The following TGFB2 variants were observed in gnomAD, a reference collection of about 807,000 sequenced individuals.
TGFB2 encodes transforming growth factor beta-2 proprotein.
Under a neutral mutation model 42.7 loss-of-function variants are expected in TGFB2, and 13 were observed. The ratio of observed to expected loss-of-function variants is 0.30; its 90% CI spans 0.20 to 0.48. TGFB2 has a LOEUF of 0.48. TGFB2 is among the 20% of genes least tolerant of loss of function. TGFB2 has a pLI of 0.99. For missense variants in TGFB2, 390 were observed against 517.5 expected (o/e 0.75, Z 2.39); for synonymous variants, 193 against 193.6 (o/e 1.00, Z 0.03).
intron 1 of TGFB2, among the ~76,000 whole-genome samples, chr1:218,396,122 C>G (rs963975507): frequency 6.6e-6 from 1 of 152,102 alleles, no homozygotes; most frequent in Non-Finnish European, 1.5e-5. Flanking sequence ...AGAAGGGAAG[C>G]CTGGTCAAGT....
At chr1:218,421,246 T>C (rs79285949) in intron 2 of TGFB2, among the ~76,000 whole-genome samples, 3,251 of 152,310 alleles carry the variant, frequency 0.021, 40 homozygotes, top group African/African-American at 0.039. Context: ...ATTTTTATAA[T>C]GAAATAAATA....
chr1:218,436,268 G>A (rs1659969843), intron 5 of TGFB2, 121 bp downstream of exon 5: 4 of 931,488 alleles, frequency 4.3e-6, no homozygotes, highest in Admixed American at 5.7e-5. Context: ...ATAGAGTGCA[G>A]TACAGCTCCT....
intron 1 of TGFB2, among the ~76,000 whole-genome samples, chr1:218,365,846 G>T (rs979314428): frequency 2.0e-5 from 3 of 152,174 alleles, no homozygotes; most frequent in African/African-American, 7.2e-5. Flanking sequence ...CTGTCACCTT[G>T]CGTGAACCGC....
intron 2 of TGFB2, among the ~76,000 whole-genome samples, chr1:218,429,317 A>C (rs1236100334): frequency 6.6e-6 from 1 of 152,114 alleles, no homozygotes; most frequent in Non-Finnish European, 1.5e-5. Flanking sequence ...TGCCTATTTA[A>C]AGTACCTTTT....
At chr1:218,426,374 GT>G (rs36115084) in intron 2 of TGFB2, among the ~76,000 whole-genome samples, 6 of 152,236 alleles carry the variant, frequency 3.9e-5, no homozygotes, top group South Asian at 2.1e-4. Flanking sequence ...ACTTCTACTT[GT>G]TTTTTCCCCC....
At chr1:218,421,411 T>C (rs570365091) in intron 2 of TGFB2, among the ~76,000 whole-genome samples, 2 of 152,014 alleles carry the variant, frequency 1.3e-5, no homozygotes, top group South Asian at 2.1e-4. Flanking sequence ...GACCGATTGT[T>C]CAGGGGCTTA....
chr1:218,370,214 G>A (rs1318405001), intron 1 of TGFB2, among the ~76,000 whole-genome samples: 1 of 152,192 alleles, frequency 6.6e-6, no homozygotes, highest in Non-Finnish European at 1.5e-5. Context: ...GGTGAAGGAA[G>A]CCTTACTGGG....
At chr1:218,435,291 C>T (rs772835182) in intron 4 of TGFB2, among the ~76,000 whole-genome samples, 19 of 152,164 alleles carry the variant, frequency 1.2e-4, no homozygotes, top group Non-Finnish European at 2.6e-4. Context: ...CAGTCTCTAA[C>T]CTAGTCATGA....
At chr1:218,367,349 A>G (rs1657419190) in intron 1 of TGFB2, among the ~76,000 whole-genome samples, 1 of 152,186 alleles carries the variant, frequency 6.6e-6, no homozygotes, top group African/African-American at 2.4e-5. Flanking sequence ...GCTTTGGGTA[A>G]CTGCAGGTTT....
chr1:218,435,049 A>G (rs1011459597), intron 4 of TGFB2, among the ~76,000 whole-genome samples: 24 of 152,206 alleles, frequency 1.6e-4, no homozygotes, highest in African/African-American at 5.5e-4. Context: ...ATGGAGAGTG[A>G]GGCGATACCA....
intron 1 of TGFB2, among the ~76,000 whole-genome samples, chr1:218,354,765 A>G (rs1457675602): frequency 6.6e-6 from 1 of 152,196 alleles, no homozygotes; most frequent in Non-Finnish European, 1.5e-5. Flanking sequence ...GTTAACAAGA[A>G]TTACATTCAC....
chr1:218,394,698 G>A (rs1031952368), intron 1 of TGFB2, among the ~76,000 whole-genome samples: 1 of 152,016 alleles, frequency 6.6e-6, no homozygotes, highest in South Asian at 2.1e-4. Flanking sequence ...TGGGATGGCC[G>A]GAGAGAAAAT....
At chr1:218,361,151 C>T (rs932383064) in intron 1 of TGFB2, among the ~76,000 whole-genome samples, 1 of 152,228 alleles carries the variant, frequency 6.6e-6, no homozygotes, top group Non-Finnish European at 1.5e-5. Context: ...CCGCGCCCGG[C>T]CTGAAAACTG....
chr1:218,394,102 G>T (rs1451631387), intron 1 of TGFB2, among the ~76,000 whole-genome samples: 1 of 152,042 alleles, frequency 6.6e-6, no homozygotes, highest in African/African-American at 2.4e-5. Context: ...GTAGAGACGG[G>T]GTTTCACTGC....
intron 1 of TGFB2, among the ~76,000 whole-genome samples, chr1:218,375,406 A>G (rs1213307663): frequency 8.3e-6 from 1 of 121,046 alleles, no homozygotes; most frequent in Non-Finnish European, 1.7e-5. Context: ...CCCTTTCTGA[A>G]CTTTTTTTTT....
intron 2 of TGFB2, among the ~76,000 whole-genome samples, chr1:218,405,976 G>A (rs958373060): frequency 3.3e-5 from 5 of 152,044 alleles, no homozygotes; most frequent in South Asian, 2.1e-4. Context: ...ATGTAGGTCC[G>A]ATTTCTTCCT....
chr1:218,349,735 T>TA (rs1262608590), intron 1 of TGFB2, among the ~76,000 whole-genome samples: 1 of 152,210 alleles, frequency 6.6e-6, no homozygotes, highest in African/African-American at 2.4e-5. Context: ...GATTTAAAAG[T>TA]AAAAATATAA....
chr1:218,347,074 CCT>C, intron 1 of TGFB2, 27 bp downstream of exon 1: 2 of 1,548,092 alleles, frequency 1.3e-6, no homozygotes, highest in Non-Finnish European at 1.7e-6. Context: ...ACTTCCATCC[CCT>C]GAGGTTTAGC....
At chr1:218,412,211 A>G (rs907349672) in intron 2 of TGFB2, among the ~76,000 whole-genome samples, 1 of 152,238 alleles carries the variant, frequency 6.6e-6, no homozygotes, top group Non-Finnish European at 1.5e-5. Flanking sequence ...GAATAAACAT[A>G]TACCCAAGAT....
Sources: allele counts gnomAD v4.1 joint callset (sites outside exome capture counted in the v4.1 genomes callset), GRCh38; gene constraint gnomAD v4.1.1; transcripts MANE v1.5; gene names NCBI Gene and HGNC (gene_info 2026-07-23, HGNC 2026-07-21).